Variants in COL4A6 observed in about 807,000 individuals in gnomAD.
COL4A6 encodes collagen type IV alpha 6 chain, also known as collagen alpha-6(IV) chain.
COL4A6 carries 59 observed loss-of-function variants against 126.7 expected under a neutral mutation model. That is an observed-to-expected ratio of 0.47 (90% CI 0.38 to 0.58). COL4A6 has a LOEUF of 0.58. Among genes scored for constraint, COL4A6 ranks in the 20% least tolerant of loss-of-function variants. The pLI, the probability that COL4A6 is intolerant of heterozygous loss-of-function variation, is 0.00. For synonymous variants in COL4A6, 547 were observed against 496.6 expected (o/e 1.10, Z -1.35); for missense variants, 1,285 against 1,337.3 (o/e 0.96, Z 0.61).
At chrX:108,425,530 C>A (rs867254340) in intron 2 of COL4A6, among the ~76,000 whole-genome samples, 2 of 109,859 alleles carry the variant, frequency 1.8e-5, no homozygotes, top group East Asian at 5.7e-4. Context: ...GTCAGGAGAT[C>A]GAGACCATCC....
chrX:108,266,726 T>C (rs2037312486), intron 3 of COL4A6, among the ~76,000 whole-genome samples: 1 of 111,999 alleles, frequency 8.9e-6, no homozygotes, highest in Non-Finnish European at 1.9e-5. Context: ...CTGAAGCATT[T>C]AGCATATTGC....
intron 2 of COL4A6, among the ~76,000 whole-genome samples, chrX:108,323,420 G>A: frequency 8.9e-6 from 1 of 111,762 alleles, no homozygotes; most frequent in East Asian, 2.8e-4. Context: ...AAAAAGATAT[G>A]CTTCTAAAAC....
At chrX:108,402,282 C>A (rs996535613) in intron 2 of COL4A6, among the ~76,000 whole-genome samples, 1 of 111,316 alleles carries the variant, frequency 9.0e-6, no homozygotes, top group Non-Finnish European at 1.9e-5. Context: ...TTATTTTAAG[C>A]AAAATTTAAT....
intron 2 of COL4A6, among the ~76,000 whole-genome samples, chrX:108,384,733 T>C (rs1290234876): frequency 5.4e-5 from 6 of 112,030 alleles, no homozygotes; most frequent in Non-Finnish European, 1.1e-4. Flanking sequence ...AAAGGAAACG[T>C]AAATGTCGAC....
chrX:108,274,473 G>T, intron 3 of COL4A6, among the ~76,000 whole-genome samples: 1 of 111,383 alleles, frequency 9.0e-6, no homozygotes, highest in South Asian at 3.8e-4. Context: ...TCAGAGTGTG[G>T]GCTCTGGGTT....
intron 3 of COL4A6, among the ~76,000 whole-genome samples, chrX:108,290,516 C>T (rs760102293): frequency 4.5e-5 from 5 of 111,914 alleles, no homozygotes; most frequent in Non-Finnish European, 9.4e-5. Flanking sequence ...TTAATGAGTC[C>T]TTTGTAGAAG....
At chrX:108,281,591 A>G (rs2037829798) in intron 3 of COL4A6, among the ~76,000 whole-genome samples, 1 of 111,875 alleles carries the variant, frequency 8.9e-6, no homozygotes, top group Non-Finnish European at 1.9e-5. Context: ...TATAGATTCA[A>G]TGCCATCCCC....
At chrX:108,351,521 A>T (rs934321549) in intron 2 of COL4A6, among the ~76,000 whole-genome samples, 10 of 106,980 alleles carry the variant, frequency 9.3e-5, no homozygotes, top group African/African-American at 3.4e-5. Flanking sequence ...TTAGAAGGGT[A>T]GCTGGGGAGA....
At chrX:108,256,361 AAAT>A (rs2037006761) in intron 3 of COL4A6, among the ~76,000 whole-genome samples, 1 of 112,224 alleles carries the variant, frequency 8.9e-6, no homozygotes, top group African/African-American at 3.2e-5. Flanking sequence ...TGAGTCAATG[AAAT>A]AATAACTAAC....
intron 3 of COL4A6, among the ~76,000 whole-genome samples, chrX:108,288,603 A>G (rs1453882257): frequency 9.0e-6 from 1 of 111,323 alleles, no homozygotes; most frequent in Non-Finnish European, 1.9e-5. Flanking sequence ...TGAATAGTTC[A>G]TGAATTTGGC....
At chrX:108,279,633 C>T (rs933862613) in intron 3 of COL4A6, among the ~76,000 whole-genome samples, 4 of 111,448 alleles carry the variant, frequency 3.6e-5, no homozygotes, top group African/African-American at 1.3e-4. Context: ...CAGCTCTGCA[C>T]CAAGTGGACC....
intron 2 of COL4A6, among the ~76,000 whole-genome samples, chrX:108,346,061 C>CA (rs938495226): frequency 4.5e-5 from 5 of 111,280 alleles, no homozygotes; most frequent in Non-Finnish European, 7.5e-5. Flanking sequence ...CCGCACCCCC[C>CA]ACACACCGTG....
intron 2 of COL4A6, among the ~76,000 whole-genome samples, chrX:108,397,592 A>G (rs766717163): frequency 1.9e-5 from 2 of 107,965 alleles, no homozygotes; most frequent in South Asian, 8.4e-4. Context: ...ATTCAGGACA[A>G]CAAAAATATT....
At chrX:108,274,858 T>C (rs1232203046) in intron 3 of COL4A6, among the ~76,000 whole-genome samples, 1 of 111,352 alleles carries the variant, frequency 9.0e-6, no homozygotes, top group African/African-American at 3.3e-5. Context: ...TTTTCTATAA[T>C]ATAATCATGG....
At chrX:108,375,388 A>G (rs1001107610) in intron 2 of COL4A6, among the ~76,000 whole-genome samples, 1 of 111,871 alleles carries the variant, frequency 8.9e-6, no homozygotes, top group African/African-American at 3.2e-5. Context: ...TTATCCTAAA[A>G]TATTTTTTTC....
chrX:108,277,037 G>A (rs1306196039), intron 3 of COL4A6, among the ~76,000 whole-genome samples: 1 of 112,251 alleles, frequency 8.9e-6, no homozygotes. Flanking sequence ...TGGCCGAATA[G>A]GAACAGCTCT....
chrX:108,202,134 A>G (rs2035406759), intron 13 of COL4A6, among the ~76,000 whole-genome samples: 1 of 111,529 alleles, frequency 9.0e-6, no homozygotes, highest in African/African-American at 3.3e-5. Flanking sequence ...TGCAGGTCTC[A>G]GCTCATACAT....
chrX:108,413,810 G>A (rs896414861), intron 2 of COL4A6, among the ~76,000 whole-genome samples: 1 of 112,060 alleles, frequency 8.9e-6, no homozygotes, highest in African/African-American at 3.2e-5. Flanking sequence ...CAATGTAGGA[G>A]TTAAACATCT....
chrX:108,376,440 CA>C lies in COL4A6; in HGVS notation c.63+61501del, dbSNP rs111337894. On this transcript the variant is annotated intron_variant, in intron 2 of 44. Transcript: ENST00000334504. Reference sequence around the variant, plus strand: ...TAAAACCCAGTCTCCACCAAAAATACAAAAAAAAAAAAAATTTAACTGGGCA... The same window carrying C: ...TAAAACCCAGTCTCCACCAAAAATACAAAAAAAAAAAAATTTAACTGGGCA... Among the ~76,000 whole-genome samples, 226 of 95,314 alleles carry C rather than the reference CA, an allele frequency of 2.4e-3. 1 individual carries two copies. The highest frequency in any genetic ancestry group is 4.2e-3 in the African/African-American group (112 of 26,372). 82.8% of individuals were successfully genotyped at this position (95,314 alleles called of 115,157 possible).
Sources: allele counts gnomAD v4.1 joint callset (sites outside exome capture counted in the v4.1 genomes callset), GRCh38; gene constraint gnomAD v4.1.1; transcripts MANE v1.5; gene names NCBI Gene and HGNC (gene_info 2026-07-23, HGNC 2026-07-21).